GALNT13: variants seen among roughly 807,000 people sequenced by gnomAD.
GALNT13 encodes the protein polypeptide N-acetylgalactosaminyltransferase 13.
In GALNT13, 28 loss-of-function variants were observed where a neutral mutation model predicts 64.2. The observed-to-expected ratio is 0.44, with a 90% CI of 0.32 to 0.60. The LOEUF is 0.60. Among genes scored for constraint, GALNT13 ranks in the 20% least tolerant of loss-of-function variants. GALNT13 has a pLI of 0.05. For missense variants in GALNT13, 577 were observed against 669.8 expected, an observed-to-expected ratio of 0.86 and a Z score of 1.53; for synonymous variants, 214 against 224.6, an observed-to-expected ratio of 0.95 and a Z score of 0.42.
chr2:153,463,701 T>C, the GALNT13 span, among the ~76,000 whole-genome samples: 1 of 152,076 alleles, frequency 6.6e-6, no homozygotes, highest in Admixed American at 6.6e-5. Context: ...ACTGTAATCA[T>C]GGCTACAGAT....
chr2:154,262,765 A>T (rs1170896693), intron 8 of GALNT13, among the ~76,000 whole-genome samples: 2 of 152,168 alleles, frequency 1.3e-5, no homozygotes. Context: ...TATAGGTGTT[A>T]AAGAAAAAAT....
intron 9 of GALNT13, among the ~76,000 whole-genome samples, chr2:154,316,956 T>C (rs1276700200): frequency 6.6e-6 from 1 of 152,156 alleles, no homozygotes; most frequent in Non-Finnish European, 1.5e-5. Context: ...CTGATGCCTG[T>C]AATCCCAGCA....
chr2:154,123,913 C>A (rs916271099), intron 3 of GALNT13, among the ~76,000 whole-genome samples: 6 of 152,004 alleles, frequency 3.9e-5, no homozygotes. Flanking sequence ...GAGTACAATG[C>A]ATATTTTCTA....
At chr2:154,346,654 G>C (rs1327319346) in intron 9 of GALNT13, among the ~76,000 whole-genome samples, 1 of 152,064 alleles carries the variant, frequency 6.6e-6, no homozygotes, top group Non-Finnish European at 1.5e-5. Flanking sequence ...GGAACTGTAA[G>C]TCCATTAAAT....
chr2:153,518,939 G>T, the GALNT13 span, among the ~76,000 whole-genome samples: 1 of 152,136 alleles, frequency 6.6e-6, no homozygotes, highest in Non-Finnish European at 1.5e-5. Flanking sequence ...GCACAAAAGG[G>T]TGCATAAGAC....
At chr2:153,146,946 T>G in the GALNT13 span, among the ~76,000 whole-genome samples, 2 of 151,856 alleles carry the variant, frequency 1.3e-5, no homozygotes, top group Admixed American at 1.3e-4. Context: ...TCAACTCTCC[T>G]TTCTTATTTA....
chr2:154,297,199 T>A lies in GALNT13; in HGVS notation c.976-4210T>A, dbSNP rs117462019. On this transcript the variant is annotated intron_variant, in intron 8 of 12. Coordinates refer to ENST00000392825, the MANE Select transcript of GALNT13 (RefSeq NM_052917.4). ...AGGGAAGTAAAATTAAGTAATTAAA[T>A]TTTTAAAAGACCACTTTGATTTCTC... 2.1e-3 allele frequency among the ~76,000 whole-genome samples: 316 copies of A among 152,270 alleles called. 7 individuals carry two copies. The East Asian group carries it at 0.051, about 24-fold the overall frequency.
At chr2:154,202,647 G>A (rs1687235321) in intron 4 of GALNT13, among the ~76,000 whole-genome samples, 1 of 152,020 alleles carries the variant, frequency 6.6e-6, no homozygotes, top group Non-Finnish European at 1.5e-5. Flanking sequence ...GATTTTATAA[G>A]CATATATTTA....
the GALNT13 span, among the ~76,000 whole-genome samples, chr2:153,464,084 G>A: frequency 2.6e-5 from 4 of 152,034 alleles, no homozygotes; most frequent in Non-Finnish European, 5.9e-5. Context: ...AAGCACACCA[G>A]GTACCTGAAG....
chr2:153,893,684 T>G (rs1489007357), intron 1 of GALNT13, among the ~76,000 whole-genome samples: 1 of 152,040 alleles, frequency 6.6e-6, no homozygotes, highest in Non-Finnish European at 1.5e-5. Flanking sequence ...TATAAATAAA[T>G]ATTATTTGGG....
chr2:153,821,026 A>G, the GALNT13 span, among the ~76,000 whole-genome samples: 1 of 152,140 alleles, frequency 6.6e-6, no homozygotes. Flanking sequence ...AAGATATATC[A>G]TGCAAACAGA....
At chr2:154,129,272 A>T (rs796235931) in intron 3 of GALNT13, among the ~76,000 whole-genome samples, 2 of 152,178 alleles carry the variant, frequency 1.3e-5, no homozygotes, top group African/African-American at 4.8e-5. Flanking sequence ...GAAAACTGAC[A>T]AAGTGATTAT....
the GALNT13 span, among the ~76,000 whole-genome samples, chr2:153,299,717 G>GA: frequency 6.6e-6 from 1 of 152,202 alleles, no homozygotes; most frequent in African/African-American, 2.4e-5. Context: ...AGCTTGGTGG[G>GA]AAAAGGCAGG....
the GALNT13 span, among the ~76,000 whole-genome samples, chr2:153,294,957 G>T: frequency 1.3e-5 from 2 of 152,120 alleles, no homozygotes; most frequent in African/African-American, 2.4e-5. Flanking sequence ...ATTGGACTGT[G>T]AAGAGAAAAG....
At chr2:153,322,807 G>A in the GALNT13 span, among the ~76,000 whole-genome samples, 1 of 151,886 alleles carries the variant, frequency 6.6e-6, no homozygotes, top group Admixed American at 6.6e-5. Context: ...CAGCTTCTAT[G>A]TTTCTGCAAA....
chr2:154,242,565 A>G (rs911524522), intron 5 of GALNT13, 133 bp from the exon 6 acceptor site: 3 of 621,906 alleles, frequency 4.8e-6, no homozygotes, highest in Non-Finnish European at 5.6e-6. Flanking sequence ...CTATTATTTT[A>G]TATCTAAGGC....
intron 3 of GALNT13, among the ~76,000 whole-genome samples, chr2:154,109,048 T>G (rs1365095738): frequency 6.6e-6 from 1 of 152,086 alleles, no homozygotes; most frequent in Admixed American, 6.6e-5. Flanking sequence ...CCTATGTAAA[T>G]TAGGCTTAAT....
chr2:154,246,967 T>C (rs979597777), intron 7 of GALNT13, among the ~76,000 whole-genome samples: 2 of 152,028 alleles, frequency 1.3e-5, no homozygotes, highest in Non-Finnish European at 2.9e-5. Flanking sequence ...AAATCCATGA[T>C]CTGAACAAGA....
chr2:153,866,753 A>G, the GALNT13 span, among the ~76,000 whole-genome samples: 44 of 152,348 alleles, frequency 2.9e-4, no homozygotes, highest in Admixed American at 7.2e-4. Flanking sequence ...CATTTTAACA[A>G]AAGATTTTAT....
Sources: allele counts gnomAD v4.1 joint callset (sites outside exome capture counted in the v4.1 genomes callset), GRCh38; gene constraint gnomAD v4.1.1; transcripts MANE v1.5; gene names NCBI Gene and HGNC (gene_info 2026-07-23, HGNC 2026-07-21).